The following U2SURP variants were observed in gnomAD, a reference collection of about 807,000 sequenced individuals.
The protein encoded by U2SURP is U2 snRNP-associated SURP motif-containing protein.
U2SURP carries 9 observed loss-of-function variants against 144.9 expected under a neutral mutation model. The ratio of observed to expected loss-of-function variants is 0.06; its 90% confidence interval spans 0.04 to 0.11. The LOEUF is 0.11. U2SURP is among the 10% of genes least tolerant of loss of function. U2SURP has a pLI of 1.00. For missense variants in U2SURP, 724 were observed against 1,226.7 expected, an observed-to-expected ratio of 0.59 and a Z score of 6.12; for synonymous variants, 408 against 396.8, an observed-to-expected ratio of 1.03 and a Z score of -0.33.
chr3:143,001,814 T>C, intron 1 of U2SURP, 141 bp downstream of exon 1: 1 of 1,112,568 alleles, frequency 9.0e-7, no homozygotes, highest in South Asian at 1.4e-5. Flanking sequence ...CGCCGCACCG[T>C]TGTGCGCAGG....
At chr3:143,025,727 G>A (rs1429970827) in intron 13 of U2SURP, 1 of 152,078 alleles carries the variant, frequency 6.6e-6, no homozygotes, top group Non-Finnish European at 1.5e-5. Context: ...TGAATTAGTA[G>A]TTTTAAATGC....
At chr3:143,010,779 T>A (rs1407089669) in intron 1 of U2SURP, 36 bp from the exon 2 acceptor site, 1 of 1,553,100 alleles carries the variant, frequency 6.4e-7, no homozygotes, top group East Asian at 2.3e-5. Context: ...GTATAAGACA[T>A]TTTAAATTAT....
At chr3:143,007,978 T>C (rs1004198656) in intron 1 of U2SURP, among the ~76,000 whole-genome samples, 2 of 152,234 alleles carry the variant, frequency 1.3e-5, no homozygotes, top group African/African-American at 4.8e-5. Context: ...GAATGCTATG[T>C]AGCTGTAGGT....
chr3:143,046,143 C>T (rs1934422716), intron 24 of U2SURP, among the ~76,000 whole-genome samples: 1 of 151,840 alleles, frequency 6.6e-6, no homozygotes, highest in African/African-American at 2.4e-5. Context: ...ATACCTATAG[C>T]TGAACAGTTT....
Position 143,028,348 on chromosome 3 carries a change from T to G in U2SURP, c.1388T>G (p.Phe463Cys). The change falls in exon 15 of 28, where the codon TTT becomes TGT. Residue 463 changes from phenylalanine to cysteine, a missense_variant. Physicochemically the swap from Phe to Cys is radical, Grantham distance 205. Around this residue, in one of 13 missense-constraint regions of U2SURP, gnomAD observed 64 missense variants for 164.1 expected, o/e 0.39. Transcript: ENST00000473835. Reference protein sequence around the residue: ...EINNPMFRFLFENQTPAHVYY... With the variant: ...EINNPMFRFLCENQTPAHVYY... ...TTGTTTGTTTTGTGTAGGTTCTTAT[T>G]TGAAAACCAGACACCAGCCCATGTT... 6.2e-7 allele frequency: 1 copy of G among 1,611,848 alleles called. No homozygotes were observed. Among genetic ancestry groups the G allele is most frequent in the Non-Finnish European group, 8.5e-7 (1 of 1,178,876 alleles).
At chr3:143,033,410 G>T (rs1410074587) in intron 18 of U2SURP, 60 bp downstream of exon 18, 4 of 912,086 alleles carry the variant, frequency 4.4e-6, no homozygotes, top group Admixed American at 2.4e-5. Context: ...AAGGAGTTCA[G>T]AAAAGAGGAT....
chr3:143,053,972 A>C (rs868160881), intron 26 of U2SURP, among the ~76,000 whole-genome samples, 178 bp downstream of exon 26: 4 of 152,184 alleles, frequency 2.6e-5, no homozygotes, highest in Middle Eastern at 3.2e-3. Context: ...TTGGCACTTG[A>C]CTTAGTTAAC....
intron 1 of U2SURP, among the ~76,000 whole-genome samples, chr3:143,004,301 TA>T (rs1421912615): frequency 2.6e-5 from 4 of 151,816 alleles, no homozygotes; most frequent in Non-Finnish European, 5.9e-5. Flanking sequence ...TAACATTTCT[TA>T]ATTATAAAAA....
chr3:143,001,788 C>A, intron 1 of U2SURP, 115 bp downstream of exon 1: 1 of 1,381,400 alleles, frequency 7.2e-7, no homozygotes, highest in Non-Finnish European at 1.0e-6. Context: ...CTAGTCGCGA[C>A]GGTAGGCCCG....
chr3:143,046,593 C>T (rs898110043), intron 24 of U2SURP, among the ~76,000 whole-genome samples: 2 of 103,760 alleles, frequency 1.9e-5, no homozygotes, highest in African/African-American at 8.7e-5. Flanking sequence ...TCCATTTAAC[C>T]CTGAGTGGAC....
intron 1 of U2SURP, among the ~76,000 whole-genome samples, chr3:143,009,929 T>C (rs1333929885): frequency 6.6e-6 from 1 of 152,206 alleles, no homozygotes; most frequent in Non-Finnish European, 1.5e-5. Context: ...TATTCTTGAT[T>C]TCATTTGAAC....
intron 6 of U2SURP, among the ~76,000 whole-genome samples, 165 bp from the exon 7 acceptor site, chr3:143,019,804 G>C (rs1936545391): frequency 1.3e-5 from 2 of 152,108 alleles, no homozygotes; most frequent in South Asian, 4.1e-4. Context: ...TTATTTTGAA[G>C]GAAGGGGAAG....
Position 143,034,824 on chromosome 3 carries a change from G to A in U2SURP, c.1854-64G>A, listed in dbSNP as rs1933721729. On this transcript the variant is annotated intron_variant, in intron 18 of 27. Coordinates refer to ENST00000473835, the MANE Select transcript of U2SURP (RefSeq NM_001080415.2). The stretch of plus-strand genomic sequence containing the variant: ...GTTCAGGAGGGGTTTTCATTGGCTG[G>A]CATGCTAAAAGGGAAAGGAATTTTA... The A allele has an allele frequency of 5.5e-5, 57 of 1,043,968 alleles. No individual in the cohort carries two copies. In the South Asian group the frequency reaches 8.4e-4, roughly 15 times the overall value. The allele number at this position is 1,043,968 out of a possible 1,614,324, so 64.7% of individuals were successfully genotyped here.
intron 1 of U2SURP, among the ~76,000 whole-genome samples, chr3:143,005,020 C>T (rs1216086161): frequency 1.3e-5 from 2 of 152,072 alleles, no homozygotes; most frequent in Non-Finnish European, 2.9e-5. Context: ...TGTTTGCTTA[C>T]TCAGCAAAAT....
At chr3:143,027,605 G>T (rs1164951055) in intron 14 of U2SURP, among the ~76,000 whole-genome samples, 1 of 152,120 alleles carries the variant, frequency 6.6e-6, no homozygotes, top group African/African-American at 2.4e-5. Context: ...CTGTATTATA[G>T]CATGTATCGG....
chr3:143,020,138 A>C, intron 7 of U2SURP, 102 bp downstream of exon 7: 1 of 651,762 alleles, frequency 1.5e-6, no homozygotes, highest in Non-Finnish European at 2.4e-6. Flanking sequence ...GTTATTACTA[A>C]CCAGTTTGCT....
chr3:143,007,566 C>T (rs1052129401), intron 1 of U2SURP, among the ~76,000 whole-genome samples: 9 of 151,794 alleles, frequency 5.9e-5, no homozygotes, highest in African/African-American at 1.7e-4. Flanking sequence ...CTCAGCCTCC[C>T]GAGTAGCTGG....
In U2SURP at chr3:143,028,622, G is replaced by C; in HGVS notation, c.1586G>C (p.Ser529Thr). The change falls in exon 16 of 28, where the codon AGT becomes ACT. Residue 529 changes from serine (S) to threonine (T), a missense_variant. This residue lies in a region of U2SURP where 66 missense variants were observed against 95.0 expected (regional missense o/e 0.69). Coordinates refer to ENST00000473835, the MANE Select transcript of U2SURP (RefSeq NM_001080415.2). Reference protein sequence around the residue: ...QETEAFVEEPSKKGALKEEQR... With the variant: ...QETEAFVEEPTKKGALKEEQR... ...ACAGAAGCTTTTGTAGAGGAACCTA[G>C]TAAAAAGGGAGCACTTAAGGAAGAG... 6.2e-7 allele frequency: 1 copy of C among 1,603,246 alleles called. No homozygotes were observed. Among genetic ancestry groups the C allele is most frequent in the Non-Finnish European group, 8.5e-7 (1 of 1,177,068 alleles).
intron 7 of U2SURP, 77 bp downstream of exon 7, chr3:143,020,113 A>G (rs1226109085): frequency 4.6e-6 from 4 of 867,112 alleles, no homozygotes; most frequent in African/African-American, 3.5e-5. Flanking sequence ...TATAAAGAAT[A>G]TACTGTACCA....
Sources: gnomAD v4.1 joint callset for allele counts (sites outside exome capture counted in the v4.1 genomes callset) on GRCh38, gnomAD v4.1.1 for gene constraint, gnomAD v4.1.1 regional missense constraint, MANE v1.5 for transcripts, NCBI Gene and HGNC (gene_info 2026-07-23, HGNC 2026-07-21) for gene names.